The following PFKFB2 variants were observed in gnomAD, a reference collection of about 807,000 sequenced individuals.
PFKFB2 encodes the protein 6-phosphofructo-2-kinase/fructose-2,6-bisphosphatase 2.
Under a neutral mutation model 68.0 loss-of-function variants are expected in PFKFB2, and 53 were observed. That is an observed-to-expected ratio of 0.78 (90% CI 0.63 to 0.98). PFKFB2 has a LOEUF of 0.98. Among genes scored for constraint, PFKFB2 ranks in the 50% least tolerant of loss-of-function variants. The pLI, the probability that PFKFB2 is intolerant of heterozygous loss-of-function variation, is 0.00. For missense variants in PFKFB2, 451 were observed against 642.0 expected (o/e 0.70, Z 3.22); for synonymous variants, 222 against 227.6 (o/e 0.98, Z 0.22).
Position 207,072,475 on chromosome 1 carries a change from C to A in PFKFB2, c.*104C>A, listed in dbSNP as rs1683495120. 1 of 1,499,556 alleles carries A rather than the reference C, an allele frequency of 6.7e-7. No individual in the cohort carries two copies. 92.9% of individuals were successfully genotyped at this position (1,499,556 alleles called of 1,614,324 possible). A position where few individuals can be genotyped will look rare whatever the true frequency, so the allele number is the denominator to read the frequency against. Reference sequence around the variant, plus strand: ...CACCAAGGAGTCATTAACTTCCTCCCTCTATGCCCACCCCTGACACTTCAC... The same window carrying A: ...CACCAAGGAGTCATTAACTTCCTCCATCTATGCCCACCCCTGACACTTCAC... On this transcript the variant is annotated 3_prime_UTR_variant, in exon 15 of 15. Transcript: ENST00000367080.
At chr1:207,067,728 T>C in intron 9 of PFKFB2, 22 bp downstream of exon 9, 1 of 1,578,544 alleles carries the variant, frequency 6.3e-7, no homozygotes, top group Non-Finnish European at 8.7e-7. Context: ...TTCAGCACAC[T>C]GGATTTTCTA....
At chr1:207,067,829 G>A in intron 9 of PFKFB2, 123 bp downstream of exon 9, 2 of 833,170 alleles carry the variant, frequency 2.4e-6, no homozygotes, top group South Asian at 1.6e-5. Context: ...TCATAGTCAG[G>A]CAAGTGCTCA....
upstream of PFKFB2, chr1:207,050,962 GGA>G: frequency 6.4e-7 from 1 of 1,556,182 alleles, no homozygotes; most frequent in Non-Finnish European, 8.7e-7. Context: ...CAGCCTGTTG[GGA>G]GACGCCGCCG....
rs771486190 is a variant in PFKFB2, at chr1:207,071,246, C to G, written c.1281C>G (p.Ala427=). 1.2e-6 allele frequency: 2 copies of G among 1,611,438 alleles called. No homozygotes were observed. Among genetic ancestry groups the G allele is most frequent in the Admixed American group, 3.3e-5 (2 of 60,008 alleles). Residue 427 remains alanine (A), a synonymous_variant, in exon 13 of 15, where the codon GCC becomes GCG. Transcript: ENST00000367080. The part of the protein sequence containing the change: ...LHTIFKLTPV[A]YGCKVETIKL... ...CCATCTTCAAACTTACTCCTGTGGC[C>G]TATGGTAACTATGCACATAGGGGCT...
intron 1 of PFKFB2, among the ~76,000 whole-genome samples, chr1:207,041,230 ATT>A (rs750591427): frequency 2.8e-5 from 4 of 142,020 alleles, no homozygotes; most frequent in Admixed American, 7.0e-5. Context: ...GCCTGGCCAG[ATT>A]TTTTTTTTTT....
In PFKFB2 at chr1:207,063,218, T is replaced by C; in HGVS notation, c.375+9T>C. 6.2e-7 allele frequency: 1 copy of C among 1,612,138 alleles called. No individual in the cohort carries two copies. Among genetic ancestry groups the C allele is most frequent in the South Asian group, 1.1e-5 (1 of 91,036 alleles). ...AGAATGGTCAGATTGCGGTAAGCTTTATCTGCTGCTTCTTCTTTCTGGTCC... is the reference window on the plus strand; with the variant it reads ...AGAATGGTCAGATTGCGGTAAGCTTCATCTGCTGCTTCTTCTTTCTGGTCC... On this transcript the variant is annotated intron_variant, in intron 5 of 14. Coordinates refer to ENST00000367080, the MANE Select transcript of PFKFB2 (RefSeq NM_006212.2). This position sits in a 1 kb window ranked among gnomAD's most constrained non-coding sequence, Gnocchi z 4.1.
intron 8 of PFKFB2, among the ~76,000 whole-genome samples, chr1:207,066,168 T>C (rs561126527): frequency 6.6e-6 from 1 of 152,302 alleles, no homozygotes; most frequent in African/African-American, 2.4e-5. Flanking sequence ...GAAGCATTTG[T>C]TGGCAGTATG....
In PFKFB2 at chr1:207,063,694, T is replaced by G. The variant is rs878986153; in HGVS notation, c.451-79T>G. Reference sequence around the variant, plus strand: ...AATCCTGGGAGATGTGGTGGCTGGGTGGGGTAGATGAGCATGTGCTCTTAA... The same window carrying G: ...AATCCTGGGAGATGTGGTGGCTGGGGGGGGTAGATGAGCATGTGCTCTTAA... On this transcript the variant is annotated intron_variant, in intron 6 of 14. Transcript: ENST00000367080. The surrounding 1 kb of genome is among the most constrained non-coding windows in gnomAD (Gnocchi z 4.1). 34 of 1,148,952 alleles carry G rather than the reference T, an allele frequency of 3.0e-5. No homozygotes were observed. The highest frequency in any genetic ancestry group is 1.5e-5 in the African/African-American group (1 of 65,998). 71.2% of individuals were successfully genotyped at this position (1,148,952 alleles called of 1,614,324 possible). A position where few individuals can be genotyped will look rare whatever the true frequency, so the allele number is the denominator to read the frequency against.
At position 207,072,554 on chromosome 1, in the gene PFKFB2, GTTC is replaced by G. The variant is rs1683497249; in HGVS notation, c.*187_*189del. ...ATGTGTTTATAGGACAACTTAAGCT[GTTC>G]TTCAGTTTGAAACATCTTTTCACCC... On this transcript the variant is annotated 3_prime_UTR_variant, in exon 15 of 15. Coordinates refer to ENST00000367080, the MANE Select transcript of PFKFB2 (RefSeq NM_006212.2). 1.5e-6 allele frequency: 2 copies of G among 1,347,038 alleles called. No homozygotes were observed. The highest frequency in any genetic ancestry group is 5.8e-5 in the East Asian group (2 of 34,746). 83.4% of individuals were successfully genotyped at this position (1,347,038 alleles called of 1,614,324 possible).
Position 207,070,061 on chromosome 1 carries a change from G to T in PFKFB2, c.1093-219G>T, listed in dbSNP as rs562370747. Among the ~76,000 whole-genome samples the T allele has an allele frequency of 2.6e-4, 40 of 152,284 alleles. No individual in the cohort carries two copies. The highest frequency in any genetic ancestry group is 2.6e-4 in the Admixed American group (4 of 15,300). On this transcript the variant is annotated intron_variant, in intron 11 of 14. Transcript: ENST00000367080. This position sits in a 1 kb window ranked among gnomAD's most constrained non-coding sequence, Gnocchi z 4.2. ...AACTCACACTTCCTCTTCTTAACCT[G>T]TAGTTTTCTTGGTCTAAATATTGCT... is the stretch of plus-strand genomic sequence containing the variant.
upstream of PFKFB2, chr1:207,049,834 G>A (rs951639053): frequency 3.1e-6 from 3 of 961,438 alleles, no homozygotes; most frequent in Admixed American, 2.9e-5. Flanking sequence ...ATAAACTGGG[G>A]TTACTAAGGA....
intron 2 of PFKFB2, chr1:207,044,851 C>T (rs1417623374): frequency 2.0e-5 from 3 of 152,448 alleles, no homozygotes; most frequent in Admixed American, 6.5e-5. Flanking sequence ...GGGTTACCAA[C>T]CTCCTTTAAA....
chr1:207,062,615 T>TAC lies in PFKFB2; in HGVS notation c.212-3_212-2dup, dbSNP rs767285827. On this transcript the variant is annotated splice_polypyrimidine_tract_variant and splice_region_variant and intron_variant, in intron 3 of 14. Transcript: ENST00000367080. ...GCTGCTGAAGGATTTGGGTGTCTTC[T>TAC]ACAGTGTTTAATCTTGGGGTGTATC... 2.5e-6 allele frequency: 4 copies of TAC among 1,613,380 alleles called. No individual in the cohort carries two copies. The highest frequency in any genetic ancestry group is 3.4e-6 in the Non-Finnish European group (4 of 1,179,604).
intron 1 of PFKFB2, among the ~76,000 whole-genome samples, chr1:207,037,723 G>A (rs555371254): frequency 6.6e-6 from 1 of 152,136 alleles, no homozygotes; most frequent in Non-Finnish European, 1.5e-5. Context: ...AATTCTTGGA[G>A]ATCCTATCTC....
Position 207,063,562 on chromosome 1 carries a change from G to C in PFKFB2, c.450+141G>C, listed in dbSNP as rs1235641564. Reference sequence around the variant, plus strand: ...CTCTCAGAGCATTCCCCCAGTCCTTGAGTGTTTTCATTCAGGTCCTTTCTC... The same window carrying C: ...CTCTCAGAGCATTCCCCCAGTCCTTCAGTGTTTTCATTCAGGTCCTTTCTC... On this transcript the variant is annotated intron_variant, in intron 6 of 14. Transcript: ENST00000367080. This position sits in a 1 kb window ranked among gnomAD's most constrained non-coding sequence, Gnocchi z 4.1. 2.6e-6 allele frequency: 2 copies of C among 756,076 alleles called. No homozygotes were observed. The highest frequency in any genetic ancestry group is 1.7e-5 in the African/African-American group (1 of 58,290). The allele number at this position is 756,076 out of a possible 1,614,324, so 46.8% of individuals were successfully genotyped here.
upstream of PFKFB2, chr1:207,053,093 T>C (rs903000920): frequency 1.3e-5 from 2 of 152,260 alleles, no homozygotes; most frequent in African/African-American, 2.4e-5. Flanking sequence ...ACTCAGGAGC[T>C]TGTGATCTCT....
chr1:207,052,372 A>G, upstream of PFKFB2: 1 of 708,932 alleles, frequency 1.4e-6, no homozygotes, highest in South Asian at 1.7e-5. Context: ...TTAGAAGTCC[A>G]CCGGGGTGGC....
chr1:207,045,198 C>T (rs574965132), intron 2 of PFKFB2: 1 of 152,324 alleles, frequency 6.6e-6, no homozygotes, highest in Non-Finnish European at 1.5e-5. Flanking sequence ...TTTTAAGGAT[C>T]GAATCTTTTA....
chr1:207,055,577 C>T (rs537828521), intron 2 of PFKFB2, among the ~76,000 whole-genome samples: 44 of 152,024 alleles, frequency 2.9e-4, no homozygotes, highest in African/African-American at 1.0e-3. Context: ...CTAACTCTTG[C>T]CTCTGCTTCT....
Sources: allele counts gnomAD v4.1 joint callset (sites outside exome capture counted in the v4.1 genomes callset), GRCh38; gene constraint gnomAD v4.1.1; non-coding constraint Gnocchi (gnomAD v3.1); transcripts MANE v1.5; gene names NCBI Gene and HGNC (gene_info 2026-07-23, HGNC 2026-07-21).